The following STAT3 variants were observed in gnomAD, a reference collection of about 807,000 sequenced individuals.
STAT3 encodes signal transducer and activator of transcription 3.
Under a neutral mutation model 114.3 loss-of-function variants are expected in STAT3, and 7 were observed. That is an observed-to-expected ratio of 0.06 (90% CI 0.03 to 0.11). The LOEUF is 0.11. Ranked by LOEUF, STAT3 falls within the 10% of genes least tolerant of loss-of-function variation. STAT3 has a pLI of 1.00. For missense variants in STAT3, 364 were observed against 960.9 expected, an observed-to-expected ratio of 0.38 and a Z score of 8.21; for synonymous variants, 331 against 354.5, an observed-to-expected ratio of 0.93 and a Z score of 0.74.
chr17:42,322,253 A>C (rs1453829765), intron 21 of STAT3, 29 bp downstream of exon 21: 3 of 1,613,686 alleles, frequency 1.9e-6, no homozygotes, highest in Non-Finnish European at 2.5e-6. Context: ...CCCAAAAATT[A>C]AATGCCAGGA....
At chr17:42,359,225 C>G (rs995144335) in intron 1 of STAT3, among the ~76,000 whole-genome samples, 1 of 152,030 alleles carries the variant, frequency 6.6e-6, no homozygotes, top group Non-Finnish European at 1.5e-5. Flanking sequence ...GTAAAGCCAC[C>G]GCACCCAGCC....
At chr17:42,331,579 A>T in intron 10 of STAT3, 48 bp from the exon 11 acceptor site, 4 of 1,453,800 alleles carry the variant, frequency 2.8e-6, no homozygotes, top group Non-Finnish European at 3.9e-6. Flanking sequence ...TAACTCTCCC[A>T]TAACCTTTTC....
rs1222267076 is a variant in STAT3, at chr17:42,388,299, G to T, written c.-44C>A. 12 of 1,231,624 alleles carry T rather than the reference G, an allele frequency of 9.7e-6. No homozygotes were observed. The highest frequency in any genetic ancestry group is 1.2e-5 in the Non-Finnish European group (12 of 988,012). The allele number at this position is 1,231,624 out of a possible 1,614,324, so 76.3% of individuals were successfully genotyped here. A position where few individuals can be genotyped will look rare whatever the true frequency, so the allele number is the denominator to read the frequency against. ...TTCACCTGTTTCTCCGGCAGAGGCC[G>T]AGAGGCCGGGGCTGCGCGTGTGCCG... On this transcript the variant is annotated 5_prime_UTR_variant, in exon 1 of 24. Coordinates refer to ENST00000264657, the MANE Select transcript of STAT3 (RefSeq NM_139276.3).
chr17:42,384,160 GCT>G (rs1287521957), intron 1 of STAT3, among the ~76,000 whole-genome samples: 1 of 142,454 alleles, frequency 7.0e-6, no homozygotes, highest in African/African-American at 2.6e-5. Flanking sequence ...ACGGAGTCTC[GCT>G]CTGTCGCCCA....
chr17:42,326,528 A>T (rs538176329), intron 14 of STAT3, among the ~76,000 whole-genome samples: 218 of 150,806 alleles, frequency 1.4e-3, no homozygotes, highest in Non-Finnish European at 2.0e-3. Flanking sequence ...TAAATTAAAT[A>T]AAAAAAAAGG....
intron 8 of STAT3, among the ~76,000 whole-genome samples, chr17:42,335,763 T>C (rs17882406): frequency 3.3e-4 from 50 of 152,112 alleles, no homozygotes; most frequent in African/African-American, 1.2e-3. Flanking sequence ...ACTTGGAAGG[T>C]TGTGACTAAG....
In STAT3 at chr17:42,333,915, T is replaced by C; in HGVS notation, c.932A>G (p.Glu311Gly). ...CCTTTTCATTAAGTTTCTAAACAGC[T>C]CCACGATTCTCTCCTCCAGCATCGG... ...HRPMLEERIV[E>G]LFRNLMKSAF... The change falls in exon 9 of 24, where the codon GAG (glutamate) becomes GGG (glycine). Residue 311 changes from glutamate (E) to glycine (G), a missense_variant. Physicochemically the swap from Glu to Gly is moderately conservative, Grantham distance 98 (BLOSUM62 -2). Coordinates refer to ENST00000264657, the MANE Select transcript of STAT3 (RefSeq NM_139276.3). The surrounding 1 kb of genome is among the most constrained non-coding windows in gnomAD (Gnocchi z 5.2). 6.2e-7 allele frequency: 1 copy of C among 1,614,188 alleles called. No individual in the cohort carries two copies. The highest frequency in any genetic ancestry group is 8.5e-7 in the Non-Finnish European group (1 of 1,180,028).
chr17:42,319,287 A>G (rs1179578292), intron 21 of STAT3, among the ~76,000 whole-genome samples: 1 of 151,988 alleles, frequency 6.6e-6, no homozygotes, highest in Admixed American at 6.6e-5. Flanking sequence ...CACACCTATA[A>G]TCCCAGCACT....
chr17:42,314,421 G>A lies in STAT3; in HGVS notation c.*1324C>T, dbSNP rs1242966702. 4.5e-6 allele frequency: 1 copy of A among 219,950 alleles called. No individual in the cohort carries two copies. The highest frequency in any genetic ancestry group is 9.1e-6 in the Non-Finnish European group (1 of 109,744). 13.6% of individuals were successfully genotyped at this position (219,950 alleles called of 1,614,324 possible). Reference sequence around the variant, plus strand: ...CCAGGATTCCTAAAACAAACAGGATGAGGGACCTTTAGACACGCAAGGAGA... The same window carrying A: ...CCAGGATTCCTAAAACAAACAGGATAAGGGACCTTTAGACACGCAAGGAGA... On this transcript the variant is annotated 3_prime_UTR_variant, in exon 24 of 24. Coordinates refer to ENST00000264657, the MANE Select transcript of STAT3 (RefSeq NM_139276.3).
chr17:42,330,108 A>ATCTTT (rs1189724916), intron 11 of STAT3, among the ~76,000 whole-genome samples: 1 of 145,398 alleles, frequency 6.9e-6, no homozygotes, highest in Admixed American at 6.7e-5. Flanking sequence ...AATGCATTTT[A>ATCTTT]TCTTTTCTTT....
In STAT3 at chr17:42,348,555, T is replaced by C. The variant is rs377618543; in HGVS notation, c.-23-16A>G. The stretch of plus-strand genomic sequence containing the variant: ...GGGGTCCCAACTGTAAACCAAAGTG[T>C]GCATATGTTCACCACAAGTCCCAGT... On this transcript the variant is annotated splice_polypyrimidine_tract_variant and intron_variant, in intron 1 of 23. Transcript: ENST00000264657. The C allele has an allele frequency of 6.8e-6, 11 of 1,612,188 alleles. No individual in the cohort carries two copies. The highest frequency in any genetic ancestry group is 1.3e-5 in the African/African-American group (1 of 74,864).
At chr17:42,360,586 G>C (rs2083462967) in intron 1 of STAT3, among the ~76,000 whole-genome samples, 1 of 151,886 alleles carries the variant, frequency 6.6e-6, no homozygotes, top group Non-Finnish European at 1.5e-5. Context: ...AGAGGTGGCA[G>C]TGAGCCAAGA....
intron 1 of STAT3, among the ~76,000 whole-genome samples, chr17:42,360,186 A>G (rs2083444610): frequency 6.6e-6 from 1 of 151,530 alleles, no homozygotes; most frequent in African/African-American, 2.4e-5. Flanking sequence ...TCACCACTAT[A>G]GGAGTCTTGT....
intron 4 of STAT3, among the ~76,000 whole-genome samples, chr17:42,340,912 C>A (rs2082418150): frequency 6.6e-6 from 1 of 152,156 alleles, no homozygotes; most frequent in Non-Finnish European, 1.5e-5. Flanking sequence ...GGTCTAGAGG[C>A]CTATCCCTCT....
At chr17:42,326,313 G>A in intron 14 of STAT3, 114 bp from the exon 15 acceptor site, 1 of 884,808 alleles carries the variant, frequency 1.1e-6, no homozygotes, top group Non-Finnish European at 1.8e-6. Flanking sequence ...TTCGAGACCA[G>A]TCTAAGCAGC....
At chr17:42,365,357 A>G (rs2083719286) in intron 1 of STAT3, among the ~76,000 whole-genome samples, 1 of 152,124 alleles carries the variant, frequency 6.6e-6, no homozygotes, top group African/African-American at 2.4e-5. Context: ...ATTCCAGATG[A>G]TTATTACCCC....
At chr17:42,341,874 C>CA (rs2082456161) in intron 4 of STAT3, among the ~76,000 whole-genome samples, 1 of 151,848 alleles carries the variant, frequency 6.6e-6, no homozygotes, top group South Asian at 2.1e-4. Flanking sequence ...ACCTCATTTA[C>CA]AAAAACAAGC....
intron 3 of STAT3, 119 bp downstream of exon 3, chr17:42,346,450 A>C: frequency 1.4e-6 from 2 of 1,462,972 alleles, no homozygotes; most frequent in Non-Finnish European, 1.9e-6. Context: ...CCTGTGATTG[A>C]AAATACAAGA....
chr17:42,334,175 G>T, intron 8 of STAT3, 126 bp from the exon 9 acceptor site: 2 of 1,087,346 alleles, frequency 1.8e-6, no homozygotes, highest in East Asian at 2.5e-5. Flanking sequence ...TTTTATTGTG[G>T]TGAAATATAT....
Sources: gnomAD v4.1 joint callset for allele counts (sites outside exome capture counted in the v4.1 genomes callset) on GRCh38, gnomAD v4.1.1 for gene constraint, Gnocchi (gnomAD v3.1) non-coding constraint, MANE v1.5 for transcripts, NCBI Gene and HGNC (gene_info 2026-07-23, HGNC 2026-07-21) for gene names.